Variants in ALG13 observed in about 807,000 individuals in gnomAD.
ALG13 encodes the protein UDP-N-acetylglucosamine transferase subunit ALG13.
A neutral mutation model predicts 87.8 loss-of-function variants in ALG13; 11 were observed. The observed-to-expected ratio is 0.13, with a 90% CI of 0.08 to 0.21. ALG13 has a LOEUF of 0.21. ALG13 is among the 10% of genes least tolerant of loss of function. The pLI, the probability that ALG13 is intolerant of heterozygous loss-of-function variation, is 1.00. For synonymous variants in ALG13, 320 were observed against 306.3 expected (o/e 1.04, Z -0.47); for missense variants, 756 against 866.1 (o/e 0.87, Z 1.60).
In ALG13 at chrX:111,736,963, C is replaced by G. The variant is rs921211829; in HGVS notation, c.2695+84C>G. The G allele has an allele frequency of 1.3e-5, 10 of 768,090 alleles. No homozygotes were observed. In the East Asian group the frequency reaches 3.6e-4, roughly 28 times the overall value. 63.3% of individuals were successfully genotyped at this position (768,090 alleles called of 1,213,427 possible). On this transcript the variant is annotated intron_variant, in intron 23 of 26. Coordinates refer to ENST00000394780, the MANE Select transcript of ALG13 (RefSeq NM_001099922.3). ...ATCCAGCTGTTCTGGTAATTACATA[C>G]CATTACTTTAATTTCCAGAATTAAA...
At chrX:111,685,558 A>G (rs1934715535) in intron 3 of ALG13, among the ~76,000 whole-genome samples, 1 of 112,458 alleles carries the variant, frequency 8.9e-6, no homozygotes, top group African/African-American at 3.2e-5. Flanking sequence ...GCACTGTTTT[A>G]GGTGCTGTGG....
intron 3 of ALG13, among the ~76,000 whole-genome samples, chrX:111,702,672 T>C (rs1222515544): frequency 9.0e-6 from 1 of 110,918 alleles, no homozygotes; most frequent in African/African-American, 3.3e-5. Flanking sequence ...CTTCCTGCGA[T>C]TTCCCCTTCA....
At position 111,751,874 on chromosome X, in the gene ALG13, C is replaced by T. The variant is rs537710542; in HGVS notation, c.2933-916C>T. Among the ~76,000 whole-genome samples the T allele has an allele frequency of 1.5e-4, 11 of 74,326 alleles. No individual in the cohort carries two copies. The South Asian group carries it at 5.1e-3, about 34-fold the overall frequency. The allele number at this position is 74,326 out of a possible 115,157, so 64.5% of individuals were successfully genotyped here. On this transcript the variant is annotated intron_variant, in intron 24 of 26. Coordinates refer to ENST00000394780, the MANE Select transcript of ALG13 (RefSeq NM_001099922.3). ...GATCTCAGGTCAAACAATAAAAATA[C>T]ATTTAGAGGTCCAATTGGAATGCTA...
chrX:111,683,795 A>T (rs1934209035), intron 2 of ALG13, among the ~76,000 whole-genome samples: 1 of 112,116 alleles, frequency 8.9e-6, no homozygotes, highest in African/African-American at 3.2e-5. Flanking sequence ...ATATTCATGG[A>T]GATCTATCCT....
At chrX:111,743,932 G>A (rs1029151059) in intron 23 of ALG13, 4 of 110,870 alleles carry the variant, frequency 3.6e-5, no homozygotes, top group Admixed American at 9.6e-5. Flanking sequence ...ACAAATTTGC[G>A]TGTTATGTCA....
chrX:111,714,444 C>G (rs1382628645), intron 8 of ALG13, among the ~76,000 whole-genome samples: 1 of 110,009 alleles, frequency 9.1e-6, no homozygotes, highest in African/African-American at 3.3e-5. Flanking sequence ...GCAGTCTATT[C>G]AGAGGAAACA....
At chrX:111,720,219 A>G in intron 11 of ALG13, 49 bp downstream of exon 11, 2 of 921,753 alleles carry the variant, frequency 2.2e-6, no homozygotes, top group Non-Finnish European at 1.5e-6. Flanking sequence ...GGCTTGCAGC[A>G]TCATGACTTA....
intron 3 of ALG13, among the ~76,000 whole-genome samples, chrX:111,693,750 G>A (rs946747323): frequency 5.4e-5 from 6 of 111,187 alleles, no homozygotes; most frequent in Non-Finnish European, 1.1e-4. Flanking sequence ...CTGCAGTCCT[G>A]TTCTCTGAGG....
intron 15 of ALG13, among the ~76,000 whole-genome samples, chrX:111,726,180 C>T (rs1021525381): frequency 1.9e-4 from 20 of 106,145 alleles, no homozygotes; most frequent in Non-Finnish European, 1.7e-4. Flanking sequence ...CTCCTGACCT[C>T]GTGATCTGCC....
At chrX:111,689,016 C>G in intron 3 of ALG13, 1 of 733,303 alleles carries the variant, frequency 1.4e-6, no homozygotes, top group Non-Finnish European at 1.6e-6. Flanking sequence ...GCTAAATGTT[C>G]CAAACATTTT....
At chrX:111,719,214 G>A (rs1263753359) in intron 10 of ALG13, among the ~76,000 whole-genome samples, 1 of 109,873 alleles carries the variant, frequency 9.1e-6, no homozygotes, top group South Asian at 3.9e-4. Flanking sequence ...TTTTAGTAGA[G>A]ATGGGGTTCA....
chrX:111,730,577 C>T lies in ALG13; in HGVS notation c.2454C>T (p.Asn818=). ...ATAGCACAACTGCATCTACAGCAAA[C>T]TTGGTAGGTATTTAATAATAGCAAA... ...GVYSTTASTA[N]LSLQDRKSCS... The change falls in exon 21 of 27, where the codon AAC becomes AAT. Residue 818 remains asparagine, a synonymous_variant. Coordinates refer to ENST00000394780, the MANE Select transcript of ALG13 (RefSeq NM_001099922.3). 1 of 1,177,597 alleles carries T rather than the reference C, an allele frequency of 8.5e-7. No homozygotes were observed. Among genetic ancestry groups the T allele is most frequent in the Non-Finnish European group, 1.1e-6 (1 of 875,336 alleles).
intron 24 of ALG13, among the ~76,000 whole-genome samples, chrX:111,751,300 C>CTCA (rs745867918): frequency 9.0e-6 from 1 of 111,048 alleles, no homozygotes; most frequent in Admixed American, 9.5e-5. Flanking sequence ...ATCTCCTGAC[C>CTCA]TCATGATCCA....
At position 111,730,560 on chromosome X, in the gene ALG13, A is replaced by G. The variant is rs746099604; in HGVS notation, c.2437A>G (p.Thr813Ala). The G allele has an allele frequency of 1.0e-5, 12 of 1,186,188 alleles. No homozygotes were observed. In the African/African-American group the frequency reaches 1.8e-4, roughly 17 times the overall value. ...TGAAACTTCAGGTGTTTATAGCACA[A>G]CTGCATCTACAGCAAACTTGGTAGG... ...DYETSGVYST[T>A]ASTANLSLQD... Residue 813 changes from threonine (T) to alanine (A), a missense_variant, in exon 21 of 27, where the codon ACT becomes GCT. Around this residue, in one of 9 missense-constraint regions of ALG13, gnomAD observed 362 missense variants for 383.5 expected, o/e 0.94. Transcript: ENST00000394780.
intron 16 of ALG13, 135 bp from the exon 17 acceptor site, chrX:111,727,197 C>T: frequency 2.2e-6 from 2 of 903,864 alleles, no homozygotes; most frequent in Non-Finnish European, 3.1e-6. Flanking sequence ...AGCCCTAATG[C>T]CAGTATTGCA....
At chrX:111,702,190 T>C (rs1185750524) in intron 3 of ALG13, among the ~76,000 whole-genome samples, 1 of 112,111 alleles carries the variant, frequency 8.9e-6, no homozygotes, top group Non-Finnish European at 1.9e-5. Flanking sequence ...GTCCATTTGG[T>C]GTAAAGTATA....
chrX:111,690,848 T>TC (rs1936010499), intron 3 of ALG13, among the ~76,000 whole-genome samples: 1 of 111,614 alleles, frequency 9.0e-6, no homozygotes, highest in African/African-American at 3.3e-5. Context: ...AGGAAGTTTT[T>TC]CAAGACTAAG....
In ALG13 at chrX:111,681,284, G is replaced by A. The variant is rs769287949; in HGVS notation, c.66G>A (p.Ala22=). The A allele has an allele frequency of 8.3e-7, 1 of 1,210,835 alleles. No homozygotes were observed. Among genetic ancestry groups the A allele is most frequent in the Non-Finnish European group, 1.1e-6 (1 of 895,281 alleles). ...SFDDLIACVS[A]PDSLQKIESL... ...ACGACCTCATTGCGTGTGTGTCGGC[G>A]CCCGACAGTCTGCAAGTGAGTGAGG... is the stretch of plus-strand genomic sequence containing the variant. Residue 22 remains alanine (A), a synonymous_variant, in exon 1 of 27, where the codon GCG becomes GCA. Coordinates refer to ENST00000394780, the MANE Select transcript of ALG13 (RefSeq NM_001099922.3).
At chrX:111,722,285 C>G (rs752747800) in intron 12 of ALG13, among the ~76,000 whole-genome samples, 1 of 111,553 alleles carries the variant, frequency 9.0e-6, no homozygotes, top group South Asian at 3.8e-4. Context: ...GTTTACCAAC[C>G]CTTGAAAATA....
Sources: allele counts gnomAD v4.1 joint callset (sites outside exome capture counted in the v4.1 genomes callset), GRCh38; gene constraint gnomAD v4.1.1; regional missense constraint gnomAD v4.1.1; transcripts MANE v1.5; gene names NCBI Gene and HGNC (gene_info 2026-07-23, HGNC 2026-07-21).